The following TBPL1 variants were observed in gnomAD, a reference collection of about 807,000 sequenced individuals.
TBPL1 encodes the protein TATA-box binding protein like 1, also known as TATA box-binding protein-like 1.
A neutral mutation model predicts 22.1 loss-of-function variants in TBPL1; 4 were observed. That is an observed-to-expected ratio of 0.18 (90% CI 0.09 to 0.41). The LOEUF (loss-of-function observed/expected upper bound fraction) is 0.41, where lower values mean the gene tolerates loss of function less well. Among genes scored for constraint, TBPL1 ranks in the 10% least tolerant of loss-of-function variants. The pLI, the probability that TBPL1 is intolerant of heterozygous loss-of-function variation, is 1.00. For missense variants in TBPL1, 115 were observed against 222.3 expected, an observed-to-expected ratio of 0.52 and a Z score of 3.07; for synonymous variants, 64 against 71.0, an observed-to-expected ratio of 0.90 and a Z score of 0.50.
At chr6:133,966,779 A>G (rs988625765) in intron 1 of TBPL1, among the ~76,000 whole-genome samples, 10 of 151,188 alleles carry the variant, frequency 6.6e-5, no homozygotes, top group African/African-American at 2.2e-4. Flanking sequence ...TCTATCTCTT[A>G]AAACTGCCTG....
In TBPL1 at chr6:133,980,150, T is replaced by C. The variant is rs768338844; in HGVS notation, c.25T>C (p.Leu9=). 16 of 1,598,220 alleles carry C rather than the reference T, an allele frequency of 1.0e-5. No individual in the cohort carries two copies. In the Admixed American group the frequency reaches 2.6e-4, roughly 26 times the overall value. The change falls in exon 2 of 7, where the codon TTG becomes CTG. Residue 9 remains leucine (L), a synonymous_variant. Coordinates refer to ENST00000237264, the MANE Select transcript of TBPL1 (RefSeq NM_004865.4). MDADSDVA[L]DILITNVVCV... ...AATGGATGCAGACAGTGATGTTGCATTGGACATTCTAATTACAAATGTAGT... is the reference window on the plus strand; with the variant it reads ...AATGGATGCAGACAGTGATGTTGCACTGGACATTCTAATTACAAATGTAGT...
At chr6:133,956,176 G>A (rs1311656930) in intron 1 of TBPL1, among the ~76,000 whole-genome samples, 1 of 152,152 alleles carries the variant, frequency 6.6e-6, no homozygotes, top group Non-Finnish European at 1.5e-5. Flanking sequence ...AAATATGAAC[G>A]TTGCAGTTGA....
intron 1 of TBPL1, among the ~76,000 whole-genome samples, chr6:133,977,308 C>T (rs916333245): frequency 5.9e-5 from 9 of 152,264 alleles, no homozygotes; most frequent in East Asian, 1.9e-4. Flanking sequence ...TACTTAGTAA[C>T]TTATGAACTA....
chr6:133,961,731 T>C (rs1400484504), intron 1 of TBPL1, among the ~76,000 whole-genome samples: 3 of 152,178 alleles, frequency 2.0e-5, no homozygotes, highest in African/African-American at 7.2e-5. Context: ...CCCAAAGTGC[T>C]GGGATTACAG....
chr6:133,963,192 A>G (rs1776054002), intron 1 of TBPL1, among the ~76,000 whole-genome samples: 1 of 152,212 alleles, frequency 6.6e-6, no homozygotes, highest in Non-Finnish European at 1.5e-5. Context: ...GTTCTCTGAA[A>G]AACAGTACTG....
rs1390656161 is a variant in TBPL1 at position 133,987,645 on chromosome 6, TG to T, written c.*606del. 4 of 147,658 alleles carry T rather than the reference TG, an allele frequency of 2.7e-5. No homozygotes were observed. The highest frequency in any genetic ancestry group is 7.9e-5 in the African/African-American group (3 of 38,092). 9.1% of individuals were successfully genotyped at this position (147,658 alleles called of 1,614,324 possible). A position where few individuals can be genotyped will look rare whatever the true frequency, so the allele number is the denominator to read the frequency against. ...TATTTTGTGTGTGTGTGTGTGTGTG[TG>T]TGTATATATATATATATATATGCAC... is the stretch of plus-strand genomic sequence containing the variant. On this transcript the variant is annotated 3_prime_UTR_variant, in exon 7 of 7. Coordinates refer to ENST00000237264, the MANE Select transcript of TBPL1 (RefSeq NM_004865.4).
At chr6:133,968,268 C>T (rs1198151582) in intron 1 of TBPL1, among the ~76,000 whole-genome samples, 4 of 152,090 alleles carry the variant, frequency 2.6e-5, no homozygotes, top group Non-Finnish European at 5.9e-5. Flanking sequence ...CTTATATAAT[C>T]AGAAAATGAC....
chr6:133,958,198 C>T (rs113713826), intron 1 of TBPL1, among the ~76,000 whole-genome samples: 178 of 152,296 alleles, frequency 1.2e-3, no homozygotes, highest in African/African-American at 4.2e-3. Context: ...GTGGACTTGA[C>T]TTGTTTAGCT....
At chr6:133,958,196 G>T (rs1429287418) in intron 1 of TBPL1, among the ~76,000 whole-genome samples, 2 of 152,160 alleles carry the variant, frequency 1.3e-5, no homozygotes, top group East Asian at 1.9e-4. Context: ...CTGTGGACTT[G>T]ACTTGTTTAG....
At chr6:133,979,843 C>T (rs1776378174) in intron 1 of TBPL1, among the ~76,000 whole-genome samples, 1 of 152,026 alleles carries the variant, frequency 6.6e-6, no homozygotes, top group African/African-American at 2.4e-5. Context: ...GACCAGGTTT[C>T]ACTATGTTGG....
In TBPL1 at chr6:133,987,635, T is replaced by C. The variant is rs569289487; in HGVS notation, c.*595T>C. 2 of 147,034 alleles carry C rather than the reference T, an allele frequency of 1.4e-5. No homozygotes were observed. Among genetic ancestry groups the C allele is most frequent in the South Asian group, 4.2e-4 (2 of 4,780 alleles). The allele number at this position is 147,034 out of a possible 1,614,324, so 9.1% of individuals were successfully genotyped here. A position where few individuals can be genotyped will look rare whatever the true frequency, so the allele number is the denominator to read the frequency against. On this transcript the variant is annotated 3_prime_UTR_variant, in exon 7 of 7. Coordinates refer to ENST00000237264, the MANE Select transcript of TBPL1 (RefSeq NM_004865.4). ...TTTTGAAGTGTATTTTGTGTGTGTG[T>C]GTGTGTGTGTGTGTATATATATATA...
At chr6:133,985,733 A>G (rs1776507474) in intron 6 of TBPL1, among the ~76,000 whole-genome samples, 1 of 152,164 alleles carries the variant, frequency 6.6e-6, no homozygotes, top group South Asian at 2.1e-4. Flanking sequence ...GAGGAAAATA[A>G]TTTAGTCTCT....
chr6:133,976,301 G>A (rs996394857), intron 1 of TBPL1, among the ~76,000 whole-genome samples: 6 of 152,026 alleles, frequency 3.9e-5, no homozygotes, highest in African/African-American at 7.2e-5. Flanking sequence ...ATTTCATAGC[G>A]TTCATACACC....
In TBPL1 at chr6:133,987,102, C is replaced by A; in HGVS notation, c.*62C>A. ...CCTTTTAAACCTGCTGCACATTGGA[C>A]TCAAAAGGAAAACTGGACCAACAAT... On this transcript the variant is annotated 3_prime_UTR_variant, in exon 7 of 7. Transcript: ENST00000237264. 8.5e-7 allele frequency: 1 copy of A among 1,176,610 alleles called. No homozygotes were observed. Among genetic ancestry groups the A allele is most frequent in the Non-Finnish European group, 1.2e-6 (1 of 820,102 alleles). The allele number at this position is 1,176,610 out of a possible 1,614,324, so 72.9% of individuals were successfully genotyped here.
At chr6:133,984,512 T>C in intron 5 of TBPL1, 33 bp downstream of exon 5, 1 of 1,611,216 alleles carries the variant, frequency 6.2e-7, no homozygotes. Flanking sequence ...CTTGAGAAAT[T>C]ACCAAATTTG....
At chr6:133,959,349 T>C (rs191882064) in intron 1 of TBPL1, among the ~76,000 whole-genome samples, 1 of 152,290 alleles carries the variant, frequency 6.6e-6, no homozygotes, top group African/African-American at 2.4e-5. Flanking sequence ...GCCTGGCCTG[T>C]GTTAGGAAAT....
At chr6:133,957,077 T>C (rs73774170) in intron 1 of TBPL1, among the ~76,000 whole-genome samples, 21,809 of 152,182 alleles carry the variant, frequency 0.14, 2,011 homozygotes, top group African/African-American at 0.27. Context: ...AAATTCTACT[T>C]GTCTGTGACT....
intron 1 of TBPL1, among the ~76,000 whole-genome samples, chr6:133,965,438 T>TA (rs1299363157): frequency 6.6e-6 from 1 of 152,152 alleles, no homozygotes; most frequent in South Asian, 2.1e-4. Flanking sequence ...CCTAATGAAG[T>TA]AAAATCTAGC....
chr6:133,980,286 T>A (rs764400339), intron 2 of TBPL1, 26 bp downstream of exon 2: 1 of 1,583,496 alleles, frequency 6.3e-7, no homozygotes, highest in Non-Finnish European at 8.6e-7. Flanking sequence ...TTCGTATTTG[T>A]ACTACATAGC....
Sources: gnomAD v4.1 joint callset for allele counts (sites outside exome capture counted in the v4.1 genomes callset) on GRCh38, gnomAD v4.1.1 for gene constraint, MANE v1.5 for transcripts, NCBI Gene and HGNC (gene_info 2026-07-23, HGNC 2026-07-21) for gene names.